Variants in SEMA3E observed in about 807,000 individuals in gnomAD.
The protein encoded by SEMA3E is semaphorin 3E, also known as semaphorin-3E.
SEMA3E carries 49 observed loss-of-function variants against 93.6 expected under a neutral mutation model. The observed-to-expected ratio is 0.52, with a 90% CI of 0.42 to 0.66. The LOEUF (loss-of-function observed/expected upper bound fraction) is 0.66. Ranked by LOEUF, SEMA3E falls within the 30% of genes least tolerant of loss-of-function variation. The pLI, the probability that SEMA3E is intolerant of heterozygous loss-of-function variation, is 0.00. For synonymous variants in SEMA3E, 363 were observed against 330.7 expected (o/e 1.10, Z -1.06); for missense variants, 906 against 964.8 (o/e 0.94, Z 0.81).
Position 83,367,714 on chromosome 7 carries a change from A to T in SEMA3E, c.2200T>A (p.Cys734Ser), listed in dbSNP as rs1436560630. The change falls in exon 17 of 17, where the codon TGC becomes AGC. Residue 734 changes from cysteine (C) to serine (S), a missense_variant. Cys to Ser is a moderately radical substitution (Grantham distance 112, BLOSUM62 -1). Transcript: ENST00000643230. ...RVEEYCEKVWCTDRKRKKLKM... is the reference protein window; with the variant it reads ...RVEEYCEKVWSTDRKRKKLKM... ...AGCTTTTTCCTCTTTCTATCTGTGCACCATACTTTCTCGCAGTATTCTTCC... is the reference window on the plus strand; with the variant it reads ...AGCTTTTTCCTCTTTCTATCTGTGCTCCATACTTTCTCGCAGTATTCTTCC... 1.2e-6 allele frequency: 2 copies of T among 1,614,042 alleles called. No homozygotes were observed. Among genetic ancestry groups the T allele is most frequent in the East Asian group, 4.5e-5 (2 of 44,842 alleles).
chr7:83,508,387 C>T (rs868059037), intron 1 of SEMA3E, among the ~76,000 whole-genome samples: 4 of 151,702 alleles, frequency 2.6e-5, no homozygotes, highest in South Asian at 2.1e-4. Flanking sequence ...CTCAGCCTCC[C>T]GAGTAGCTGG....
intron 9 of SEMA3E, among the ~76,000 whole-genome samples, chr7:83,403,667 A>G (rs748346593): frequency 9.9e-5 from 15 of 152,016 alleles, no homozygotes; most frequent in Non-Finnish European, 1.9e-4. Flanking sequence ...TGCAAAATTC[A>G]AAGTTCTATA....
rs560101069 is a variant in SEMA3E at position 83,396,935 on chromosome 7, A to G, written c.1367-206T>C. Among the ~76,000 whole-genome samples, 844 of 152,172 alleles carry G rather than the reference A, an allele frequency of 5.5e-3. 12 individuals carry two copies. Among genetic ancestry groups the G allele is most frequent in the African/African-American group, 0.019 (791 of 41,516 alleles). On this transcript the variant is annotated intron_variant, in intron 11 of 16. Transcript: ENST00000643230. ...CTCTACTAAAAATACAAAAAAAATTAGCCAGGCATGGTGGTGGGCACCTGT... is the reference window on the plus strand; with the variant it reads ...CTCTACTAAAAATACAAAAAAAATTGGCCAGGCATGGTGGTGGGCACCTGT...
In SEMA3E at chr7:83,396,701, T is replaced by G; in HGVS notation, c.1395A>C (p.Thr465=). 1 of 1,604,666 alleles carries G rather than the reference T, an allele frequency of 6.2e-7. No homozygotes were observed. Among genetic ancestry groups the G allele is most frequent in the African/African-American group, 1.3e-5 (1 of 74,880 alleles). ...TDNGIVLKVI[T]IYNQEMESME... ...TTGATTCCATTTCTTGGTTGTAAAT[T>G]GTGATTACTTTCAGCACAATTCCAT... is the stretch of plus-strand genomic sequence containing the variant. The change falls in exon 12 of 17, where the codon ACA becomes ACC. Residue 465 remains threonine (T), a synonymous_variant. Transcript: ENST00000643230.
chr7:83,499,217 A>G (rs1419063829), intron 1 of SEMA3E, among the ~76,000 whole-genome samples: 1 of 152,166 alleles, frequency 6.6e-6, no homozygotes, highest in Non-Finnish European at 1.5e-5. Context: ...CCATTCACAG[A>G]TGTGCAAATA....
At chr7:83,564,512 T>C (rs1434526612) in intron 1 of SEMA3E, among the ~76,000 whole-genome samples, 2 of 152,220 alleles carry the variant, frequency 1.3e-5, no homozygotes, top group African/African-American at 2.4e-5. Flanking sequence ...CTGTTGTTAG[T>C]ATATTTTAAA....
chr7:83,492,714 T>TTA (rs947032607), intron 1 of SEMA3E, among the ~76,000 whole-genome samples: 16 of 140,640 alleles, frequency 1.1e-4, no homozygotes, highest in Admixed American at 2.9e-4. Context: ...TTATGTTTAT[T>TTA]TATATATATA....
At chr7:83,374,111 C>T (rs1447287638) in intron 16 of SEMA3E, among the ~76,000 whole-genome samples, 9 of 145,174 alleles carry the variant, frequency 6.2e-5, no homozygotes, top group Non-Finnish European at 1.3e-4. Context: ...GAGGCTGAGG[C>T]AAGAGATTTG....
chr7:83,588,430 C>T (rs1584349148), intron 1 of SEMA3E, among the ~76,000 whole-genome samples: 1 of 151,712 alleles, frequency 6.6e-6, no homozygotes, highest in African/African-American at 2.4e-5. Context: ...TAGTTGAAAA[C>T]CTGGGCAGGT....
rs537745275 is a variant in SEMA3E at position 83,389,964 on chromosome 7, T to C, written c.1667+2591A>G. Among the ~76,000 whole-genome samples, 653 of 143,144 alleles carry C rather than the reference T, an allele frequency of 4.6e-3. 19 individuals carry two copies. Among genetic ancestry groups the C allele is most frequent in the African/African-American group, 0.015 (610 of 40,224 alleles). The allele number at this position is 143,144 out of a possible 152,430, so 93.9% of individuals were successfully genotyped here. On this transcript the variant is annotated intron_variant, in intron 14 of 16. Coordinates refer to ENST00000643230, the MANE Select transcript of SEMA3E (RefSeq NM_012431.3). The stretch of plus-strand genomic sequence containing the variant: ...TATACACGTATATGTGTATAGTGTA[T>C]ACGTATACACATATATACGCGTATA...
At chr7:83,410,870 A>G (rs9791984) in intron 5 of SEMA3E, among the ~76,000 whole-genome samples, 76,690 of 151,668 alleles carry the variant, frequency 0.51, 22,229 homozygotes, top group East Asian at 0.85. Flanking sequence ...TATAAAGACC[A>G]GCTTGTTAAA....
rs1788320645 is a variant in SEMA3E, at chr7:83,405,940, T to G, written c.928+5A>C. 5.6e-6 allele frequency: 9 copies of G among 1,595,496 alleles called. No individual in the cohort carries two copies. The highest frequency in any genetic ancestry group is 7.7e-6 in the Non-Finnish European group (9 of 1,163,342). ...AGCAAATTTAATTCACCTAAAAACA[T>G]TTACCTAATTCATCAAAATATGTGT... On this transcript the variant is annotated splice_donor_5th_base_variant and intron_variant, in intron 8 of 16. Transcript: ENST00000643230.
At chr7:83,433,252 C>T (rs558856579) in intron 4 of SEMA3E, among the ~76,000 whole-genome samples, 21 of 152,010 alleles carry the variant, frequency 1.4e-4, no homozygotes, top group African/African-American at 5.1e-4. Flanking sequence ...AAAGAAAGAA[C>T]GTTAAAATGT....
intron 14 of SEMA3E, among the ~76,000 whole-genome samples, chr7:83,389,631 C>T (rs117212297): frequency 0.021 from 3,113 of 151,064 alleles, 56 homozygotes; most frequent in South Asian, 0.091. Context: ...TATACATACA[C>T]ACACATACAC....
At chr7:83,514,510 A>T (rs1476766932) in intron 1 of SEMA3E, among the ~76,000 whole-genome samples, 2 of 152,096 alleles carry the variant, frequency 1.3e-5, no homozygotes, top group Admixed American at 6.6e-5. Flanking sequence ...TGTAATTTTT[A>T]AAAAAGATCT....
In SEMA3E at chr7:83,405,440, A is replaced by G. The variant is rs769133097; in HGVS notation, c.998+10T>C. 4.7e-5 allele frequency: 75 copies of G among 1,601,044 alleles called. No individual in the cohort carries two copies. Among genetic ancestry groups the G allele is most frequent in the Non-Finnish European group, 6.1e-5 (71 of 1,168,622 alleles). ...CTATATTGTTTTTATTGACTGTATA[A>G]ATTTCTCACCTGGTAGTGTTAAAGA... is the stretch of plus-strand genomic sequence containing the variant. On this transcript the variant is annotated intron_variant, in intron 9 of 16. Transcript: ENST00000643230.
intron 1 of SEMA3E, among the ~76,000 whole-genome samples, chr7:83,564,197 G>A (rs943737997): frequency 6.6e-6 from 1 of 152,072 alleles, no homozygotes; most frequent in Non-Finnish European, 1.5e-5. Context: ...TTAATATTAA[G>A]CATAATTTGC....
chr7:83,538,093 C>A (rs1487531233), intron 1 of SEMA3E, among the ~76,000 whole-genome samples: 1 of 152,124 alleles, frequency 6.6e-6, no homozygotes, highest in African/African-American at 2.4e-5. Flanking sequence ...GTTTGTTTAT[C>A]CATTCATCCG....
chr7:83,548,440 A>G (rs568806391), intron 1 of SEMA3E, among the ~76,000 whole-genome samples: 1 of 152,178 alleles, frequency 6.6e-6, no homozygotes, highest in South Asian at 2.1e-4. Flanking sequence ...CTTTATCTAA[A>G]TTAAATTATA....
Sources: allele counts gnomAD v4.1 joint callset (sites outside exome capture counted in the v4.1 genomes callset), GRCh38; gene constraint gnomAD v4.1.1; transcripts MANE v1.5; gene names NCBI Gene and HGNC (gene_info 2026-07-23, HGNC 2026-07-21).